Variants in ZMYM2 observed in about 807,000 individuals in gnomAD.
ZMYM2 encodes the protein zinc finger MYM-type containing 2, also known as zinc finger MYM-type protein 2.
ZMYM2 carries 56 observed loss-of-function variants against 162.8 expected under a neutral mutation model. That is an observed-to-expected ratio of 0.34 (90% confidence interval 0.28 to 0.43). The LOEUF (loss-of-function observed/expected upper bound fraction) is 0.43, where lower values mean the gene tolerates loss of function less well. Ranked by LOEUF, ZMYM2 falls within the 20% of genes least tolerant of loss-of-function variation. ZMYM2 has a pLI of 1.00. For missense variants in ZMYM2, 1,275 were observed against 1,621.8 expected (o/e 0.79, Z 3.67); for synonymous variants, 510 against 541.6 (o/e 0.94, Z 0.81).
rs576128347 is a variant in ZMYM2 at position 20,061,186 on chromosome 13, G to T, written c.2873G>T (p.Ser958Ile). 6.2e-7 allele frequency: 1 copy of T among 1,613,828 alleles called. No individual in the cohort carries two copies. Among genetic ancestry groups the T allele is most frequent in the South Asian group, 1.1e-5 (1 of 91,016 alleles). ...TTGCTTACAATGACGGATATGATGAGTGAAGACGAGGGGAAAACAGAGACA... is the reference window on the plus strand; with the variant it reads ...TTGCTTACAATGACGGATATGATGATTGAAGACGAGGGGAAAACAGAGACA... ...TELLTMTDMMSEDEGKTETTN... is the reference protein window; with the variant it reads ...TELLTMTDMMIEDEGKTETTN... Residue 958 changes from serine (S) to isoleucine (I), a missense_variant, in exon 17 of 25, where the codon AGT becomes ATT. Physicochemically the swap from Ser to Ile is moderately radical, Grantham distance 142. Transcript: ENST00000610343.
At chr13:19,933,700 C>G in the ZMYM2 span, among the ~76,000 whole-genome samples, 1 of 152,164 alleles carries the variant, frequency 6.6e-6, no homozygotes, top group Non-Finnish European at 1.5e-5. Context: ...TGGAGCTGTC[C>G]TGGCCCTTCA....
the ZMYM2 span, among the ~76,000 whole-genome samples, chr13:19,924,562 T>C: frequency 6.6e-6 from 1 of 152,060 alleles, no homozygotes; most frequent in East Asian, 1.9e-4. Context: ...AAAAAAAGGG[T>C]TTGTCTTTTT....
At chr13:19,897,470 G>A in the ZMYM2 span, among the ~76,000 whole-genome samples, 2 of 152,046 alleles carry the variant, frequency 1.3e-5, no homozygotes, top group African/African-American at 4.8e-5. Flanking sequence ...GGGCCCCTGG[G>A]CAGGCCAGGA....
intron 17 of ZMYM2, among the ~76,000 whole-genome samples, chr13:20,061,502 T>C (rs1157721110): frequency 1.3e-5 from 2 of 152,202 alleles, no homozygotes; most frequent in Non-Finnish European, 2.9e-5. Context: ...AATGGAGTAG[T>C]GCTGATGCAA....
the ZMYM2 span, among the ~76,000 whole-genome samples, chr13:19,936,638 C>G: frequency 6.6e-6 from 1 of 152,100 alleles, no homozygotes; most frequent in Non-Finnish European, 1.5e-5. Flanking sequence ...AGGAGAATCA[C>G]TTGAACCCAG....
At chr13:19,911,012 A>G in the ZMYM2 span, among the ~76,000 whole-genome samples, 4 of 151,500 alleles carry the variant, frequency 2.6e-5, no homozygotes, top group African/African-American at 9.7e-5. Flanking sequence ...AATCATAAAA[A>G]CAGAATCGTA....
chr13:19,965,332 T>C, intron 2 of ZMYM2: 2 of 1,028,180 alleles, frequency 1.9e-6, no homozygotes, highest in South Asian at 1.4e-5. Flanking sequence ...CATTAAAAAA[T>C]GACTTCTCTT....
At chr13:19,905,293 G>A in the ZMYM2 span, among the ~76,000 whole-genome samples, 5 of 152,128 alleles carry the variant, frequency 3.3e-5, no homozygotes, top group Non-Finnish European at 5.9e-5. Flanking sequence ...GATTACAGGC[G>A]TGAGCCACTG....
chr13:20,039,030 T>C (rs1953990845), intron 12 of ZMYM2, among the ~76,000 whole-genome samples: 1 of 152,186 alleles, frequency 6.6e-6, no homozygotes, highest in Non-Finnish European at 1.5e-5. Context: ...TTTTATTCTT[T>C]TTGTGGCAAT....
the ZMYM2 span, among the ~76,000 whole-genome samples, chr13:19,903,521 T>C: frequency 1.5e-5 from 2 of 130,036 alleles, no homozygotes; most frequent in South Asian, 5.0e-4. Context: ...TTAAGAACAA[T>C]GAAAAACTTC....
intron 21 of ZMYM2, among the ~76,000 whole-genome samples, chr13:20,072,388 G>A (rs1016527064): frequency 3.3e-5 from 5 of 152,178 alleles, no homozygotes; most frequent in Non-Finnish European, 7.3e-5. Context: ...GGGTGTAGTG[G>A]CGAGCACCTG....
chr13:20,006,200 T>A lies in ZMYM2; in HGVS notation c.1300-174T>A, dbSNP rs1594312006. On this transcript the variant is annotated intron_variant, in intron 5 of 24. Coordinates refer to ENST00000610343, the MANE Select transcript of ZMYM2 (RefSeq NM_197968.4). Reference sequence around the variant, plus strand: ...GTCAGCTTTGATGGTGCCACTGTACTTTAGCCTGGGTAATGAGTGAGACCC... The same window carrying A: ...GTCAGCTTTGATGGTGCCACTGTACATTAGCCTGGGTAATGAGTGAGACCC... Among the ~76,000 whole-genome samples, 3 of 151,736 alleles carry A rather than the reference T, an allele frequency of 2.0e-5. No homozygotes were observed. In the South Asian group the frequency reaches 6.2e-4, roughly 32 times the overall value.
chr13:20,069,256 C>T (rs1454242307), intron 21 of ZMYM2, among the ~76,000 whole-genome samples: 1 of 152,070 alleles, frequency 6.6e-6, no homozygotes, highest in Non-Finnish European at 1.5e-5. Flanking sequence ...CTTTGCTTTA[C>T]TACATTGCTT....
rs185635005 is a variant in ZMYM2 at position 19,984,330 on chromosome 13, G to A, written c.-10-8733G>A. ...ACCAAATAGAACTGAAAGCATTTAT[G>A]ATTTATAATGTGGAGTATCACAAGG... On this transcript the variant is annotated intron_variant, in intron 2 of 24. Transcript: ENST00000610343. Among the ~76,000 whole-genome samples, 3 of 152,286 alleles carry A rather than the reference G, an allele frequency of 2.0e-5. No individual in the cohort carries two copies. In the East Asian group the frequency reaches 5.8e-4, roughly 29 times the overall value.
chr13:19,953,217 C>G, the ZMYM2 span, among the ~76,000 whole-genome samples: 6 of 152,170 alleles, frequency 3.9e-5, no homozygotes, highest in Non-Finnish European at 8.8e-5. Context: ...TGAACTAAGA[C>G]AGTCACAAAG....
intron 2 of ZMYM2, among the ~76,000 whole-genome samples, chr13:19,971,991 C>T (rs539567210): frequency 5.7e-4 from 87 of 151,918 alleles, no homozygotes; most frequent in Admixed American, 5.1e-3. Context: ...GGATGAGATC[C>T]CCAAAGAAAG....
chr13:19,907,618 C>T, the ZMYM2 span, among the ~76,000 whole-genome samples: 1 of 151,574 alleles, frequency 6.6e-6, no homozygotes, highest in Non-Finnish European at 1.5e-5. Flanking sequence ...AAAAATTAGC[C>T]AGGTGTGGTG....
At chr13:20,083,282 G>A (rs1349357625) in intron 23 of ZMYM2, among the ~76,000 whole-genome samples, 2 of 152,186 alleles carry the variant, frequency 1.3e-5, no homozygotes, top group East Asian at 1.9e-4. Context: ...GGCTGGTCTC[G>A]AACTCCCGAC....
the ZMYM2 span, among the ~76,000 whole-genome samples, chr13:19,931,841 C>T: frequency 6.6e-6 from 1 of 152,212 alleles, no homozygotes; most frequent in East Asian, 1.9e-4. Flanking sequence ...GCCCAGGCTG[C>T]TCCCAACTCC....
Sources: allele counts gnomAD v4.1 joint callset (sites outside exome capture counted in the v4.1 genomes callset), GRCh38; gene constraint gnomAD v4.1.1; transcripts MANE v1.5; gene names NCBI Gene and HGNC (gene_info 2026-07-23, HGNC 2026-07-21).